The following DYNC2I1 variants were observed in gnomAD, a reference collection of about 807,000 sequenced individuals.
The protein encoded by DYNC2I1 is dynein 2 intermediate chain 1, also known as cytoplasmic dynein 2 intermediate chain 1.
A neutral mutation model predicts 133.4 loss-of-function variants in DYNC2I1; 89 were observed. The ratio of observed to expected loss-of-function variants is 0.67; its 90% CI spans 0.56 to 0.80. The LOEUF is 0.80. DYNC2I1 is among the 30% of genes least tolerant of loss of function. DYNC2I1 has a pLI of 0.00. For missense variants in DYNC2I1, 1,291 were observed against 1,314.5 expected (o/e 0.98, Z 0.28); for synonymous variants, 504 against 484.3 (o/e 1.04, Z -0.54).
Position 158,866,483 on chromosome 7 carries a change from C to T in DYNC2I1, c.16-3372C>T, listed in dbSNP as rs141964258. Among the ~76,000 whole-genome samples, 537 of 152,104 alleles carry T rather than the reference C, an allele frequency of 3.5e-3. 8 individuals are homozygous for T. The highest frequency in any genetic ancestry group is 0.012 in the African/African-American group (484 of 41,498). On this transcript the variant is annotated intron_variant, in intron 1 of 24. Coordinates refer to ENST00000407559, the MANE Select transcript of DYNC2I1 (RefSeq NM_018051.5). Reference sequence around the variant, plus strand: ...CTCCTGGGTCTCCTGGTTGGACTGTCCCCGAGTATCCTGGGCGTCCCCTCT... The same window carrying T: ...CTCCTGGGTCTCCTGGTTGGACTGTTCCCGAGTATCCTGGGCGTCCCCTCT...
intron 1 of DYNC2I1, among the ~76,000 whole-genome samples, chr7:158,861,670 A>G (rs1250905969): frequency 6.6e-6 from 1 of 152,170 alleles, no homozygotes; most frequent in African/African-American, 2.4e-5. Flanking sequence ...CTGCAAATAC[A>G]TGCATACCGA....
the DYNC2I1 span, among the ~76,000 whole-genome samples, chr7:158,845,550 G>A: frequency 0.13 from 19,432 of 152,146 alleles, 1,653 homozygotes; most frequent in East Asian, 0.44. Context: ...TGTTGCTTGC[G>A]TAATTTTTGA....
chr7:158,940,772 T>C (rs1426405923), intron 23 of DYNC2I1, among the ~76,000 whole-genome samples: 3 of 152,212 alleles, frequency 2.0e-5, no homozygotes, highest in Admixed American at 6.5e-5. Flanking sequence ...TTTAAAAATT[T>C]ATTGAAACAA....
intron 21 of DYNC2I1, among the ~76,000 whole-genome samples, chr7:158,932,418 T>C (rs1020234057): frequency 2.0e-5 from 3 of 152,106 alleles, no homozygotes; most frequent in East Asian, 3.9e-4. Flanking sequence ...GTGGGTCCGA[T>C]GTTGAGGGAG....
chr7:158,872,124 T>C (rs1255646109), intron 3 of DYNC2I1, among the ~76,000 whole-genome samples: 1 of 151,746 alleles, frequency 6.6e-6, no homozygotes, highest in African/African-American at 2.4e-5. Flanking sequence ...GAGACCAGCT[T>C]GGGGAACACA....
chr7:158,922,344 G>A (rs201168690), intron 15 of DYNC2I1, 33 bp from the exon 16 acceptor site: 121 of 1,595,932 alleles, frequency 7.6e-5, no homozygotes, highest in Admixed American at 1.6e-4. Flanking sequence ...CTGGCAGGTC[G>A]TTGAAATGTG....
chr7:158,883,915 C>T (rs1216730778), intron 5 of DYNC2I1, among the ~76,000 whole-genome samples: 14 of 151,704 alleles, frequency 9.2e-5, no homozygotes, highest in African/African-American at 1.4e-4. Flanking sequence ...CCGCCCGCCT[C>T]GGCCTCCCAA....
In DYNC2I1 at chr7:158,911,683, A is replaced by G. The variant is rs549505843; in HGVS notation, c.1590+4A>G. 9 of 1,609,028 alleles carry G rather than the reference A, an allele frequency of 5.6e-6. No homozygotes were observed. In the South Asian group the frequency reaches 1.0e-4, roughly 18 times the overall value. The stretch of plus-strand genomic sequence containing the variant: ...TGGGAAAAAAAATACCAAGCAGGTA[A>G]GTATGAGATGTGTTAACTAAGTGAT... On this transcript the variant is annotated splice_donor_region_variant and intron_variant, in intron 12 of 24. Transcript: ENST00000407559.
chr7:158,875,208 C>A (rs937547934), intron 3 of DYNC2I1, among the ~76,000 whole-genome samples: 14 of 148,952 alleles, frequency 9.4e-5, no homozygotes, highest in Admixed American at 6.8e-4. Flanking sequence ...CAATTCTCTT[C>A]CTTAGCCTCC....
chr7:158,889,080 CTT>C (rs369814666), intron 7 of DYNC2I1, among the ~76,000 whole-genome samples: 21 of 126,072 alleles, frequency 1.7e-4, no homozygotes, highest in Admixed American at 5.7e-4. Flanking sequence ...TCCTGTTTTT[CTT>C]TTTTTTTTTT....
intron 21 of DYNC2I1, among the ~76,000 whole-genome samples, chr7:158,932,626 G>T (rs1365919044): frequency 2.6e-5 from 4 of 152,162 alleles, no homozygotes; most frequent in African/African-American, 9.7e-5. Context: ...ACGTTGAGCC[G>T]AGGAGCAGCA....
chr7:158,929,264 T>G (rs1191464794), intron 20 of DYNC2I1, among the ~76,000 whole-genome samples: 1 of 152,212 alleles, frequency 6.6e-6, no homozygotes, highest in Non-Finnish European at 1.5e-5. Context: ...CCACCATCTT[T>G]TTATGAAATG....
chr7:158,955,521 C>T (rs949312996), intron 4 of DYNC2I1, among the ~76,000 whole-genome samples: 6 of 152,236 alleles, frequency 3.9e-5, no homozygotes, highest in African/African-American at 1.4e-4. Flanking sequence ...TCAACAAACA[C>T]TCCCTAAGCA....
At chr7:158,949,495 A>G (rs1240305909), downstream of DYNC2I1, among the ~76,000 whole-genome samples, 1 of 151,830 alleles carries the variant, frequency 6.6e-6, no homozygotes, top group African/African-American at 2.4e-5. Flanking sequence ...GCCAGGGTCC[A>G]CCCCGCCCTG....
chr7:158,888,327 T>G (rs1027996692), intron 7 of DYNC2I1, among the ~76,000 whole-genome samples: 1 of 151,932 alleles, frequency 6.6e-6, no homozygotes, highest in African/African-American at 2.4e-5. Context: ...CCAGCCTTTT[T>G]GTTTTGTTAT....
chr7:158,935,768 G>A (rs898776632), intron 23 of DYNC2I1, among the ~76,000 whole-genome samples: 1 of 152,196 alleles, frequency 6.6e-6, no homozygotes, highest in African/African-American at 2.4e-5. Flanking sequence ...ATAAAAGAAT[G>A]TAAAATGTCT....
At chr7:158,842,142 C>A in the DYNC2I1 span, among the ~76,000 whole-genome samples, 1 of 152,222 alleles carries the variant, frequency 6.6e-6, no homozygotes, top group Admixed American at 6.5e-5. Flanking sequence ...GATTCTCCTG[C>A]CTCAGCCTCC....
At position 158,922,479 on chromosome 7, in the gene DYNC2I1, A is replaced by C. The variant is rs1425163953; in HGVS notation, c.2024A>C (p.Lys675Thr). ...EKSFVPLLDS[K>T]YVLCVWDIWQ... ...AGCTTTGTGCCCCTGCTGGACAGCA[A>C]ATACGTCCTCTGTGTGTGGGATATT... The change falls in exon 16 of 25, where the codon AAA (lysine) becomes ACA (threonine). Residue 675 changes from lysine to threonine, a missense_variant. Coordinates refer to ENST00000407559, the MANE Select transcript of DYNC2I1 (RefSeq NM_018051.5). 2 of 1,613,890 alleles carry C rather than the reference A, an allele frequency of 1.2e-6. No individual in the cohort carries two copies. Among genetic ancestry groups the C allele is most frequent in the African/African-American group, 2.7e-5 (2 of 74,910 alleles).
At chr7:158,841,197 ATATATATATATATATATATATATATT>A in the DYNC2I1 span, among the ~76,000 whole-genome samples, 1 of 42,090 alleles carries the variant, frequency 2.4e-5, no homozygotes, top group Non-Finnish European at 4.4e-5. Flanking sequence ...ATATATATAT[ATATATATATATATATATATATATATT>A]TTAGACAGAG....
Sources: allele counts gnomAD v4.1 joint callset (sites outside exome capture counted in the v4.1 genomes callset), GRCh38; gene constraint gnomAD v4.1.1; transcripts MANE v1.5; gene names NCBI Gene and HGNC (gene_info 2026-07-23, HGNC 2026-07-21).